S100A8: variants seen among roughly 807,000 people sequenced by gnomAD.
S100A8 encodes the protein S100 calcium binding protein A8.
In S100A8, 1 loss-of-function variant was observed where a neutral mutation model predicts 4.2. That is an observed-to-expected ratio of 0.24 (90% CI 0.08 to 1.12). The LOEUF (loss-of-function observed/expected upper bound fraction) is 1.12, where lower values mean the gene tolerates loss of function less well. Ranked by LOEUF, S100A8 falls within the 50% of genes most tolerant of loss-of-function variation. The probability of loss-of-function intolerance (pLI) is 0.53; values close to 1 mark genes in which losing one functional copy is unlikely to be tolerated. For missense variants in S100A8, 96 were observed against 111.8 expected (o/e 0.86, Z 0.64); for synonymous variants, 41 against 44.7 (o/e 0.92, Z 0.33).
upstream of S100A8, among the ~76,000 whole-genome samples, chr1:153,395,037 G>A: frequency 6.6e-6 from 1 of 152,124 alleles, no homozygotes; most frequent in African/African-American, 2.4e-5. Flanking sequence ...TAGATCCCTA[G>A]AGTCCCAGGG....
chr1:153,394,113 G>A (rs1261072954), upstream of S100A8, among the ~76,000 whole-genome samples: 1 of 152,194 alleles, frequency 6.6e-6, no homozygotes, highest in Non-Finnish European at 1.5e-5. Context: ...TAGCGGACAT[G>A]GGGCAACCTA....
At chr1:153,390,678 C>G (rs910779259) in intron 1 of S100A8, 121 bp from the exon 2 acceptor site, 2 of 1,255,424 alleles carry the variant, frequency 1.6e-6, no homozygotes, top group Middle Eastern at 4.1e-4. Context: ...TCCAAATAAC[C>G]AAACCAGCAG....
the S100A8 span, chr1:153,419,161 A>C: frequency 6.2e-7 from 1 of 1,613,996 alleles, no homozygotes; most frequent in Admixed American, 1.7e-5. Context: ...AAGGGCATAC[A>C]TTACCTCGCC....
chr1:153,405,123 T>TA, the S100A8 span, among the ~76,000 whole-genome samples: 582 of 151,862 alleles, frequency 3.8e-3, 3 homozygotes, highest in African/African-American at 0.013. Flanking sequence ...TTGCCAGTTT[T>TA]ACCTACACGG....
At chr1:153,391,295 A>G (rs1182932201), upstream of S100A8, 74 of 737,300 alleles carry the variant, frequency 1.0e-4, no homozygotes, top group Non-Finnish European at 1.2e-4. Context: ...CCAGAAGGAA[A>G]AAGCAGGTAG....
chr1:153,407,164 G>C, the S100A8 span, among the ~76,000 whole-genome samples: 3 of 152,190 alleles, frequency 2.0e-5, no homozygotes, highest in African/African-American at 7.2e-5. Flanking sequence ...GCTGAAGCAG[G>C]GTGAGCATCA....
At chr1:153,401,683 C>T in the S100A8 span, among the ~76,000 whole-genome samples, 2 of 152,150 alleles carry the variant, frequency 1.3e-5, no homozygotes, top group Non-Finnish European at 2.9e-5. Flanking sequence ...CCCCCATCCC[C>T]GCTTCGGCCG....
At chr1:153,415,128 G>T in the S100A8 span, among the ~76,000 whole-genome samples, 1 of 151,924 alleles carries the variant, frequency 6.6e-6, no homozygotes, top group Non-Finnish European at 1.5e-5. Flanking sequence ...TGGTTGAGTA[G>T]TATTCGTCTG....
the S100A8 span, chr1:153,422,520 T>A: frequency 3.2e-5 from 32 of 985,218 alleles, no homozygotes; most frequent in Middle Eastern, 5.2e-4. Context: ...ACACTCACAT[T>A]ACAGCTGATG....
chr1:153,390,418 T>C lies in S100A8; in HGVS notation c.118A>G (p.Thr40Ala), dbSNP rs139987242. The C allele has an allele frequency of 1.1e-5, 17 of 1,613,920 alleles. No homozygotes were observed. In the African/African-American group the frequency reaches 2.3e-4, roughly 22 times the overall value. Reference protein sequence around the residue: ...YRDDLKKLLETECPQYIRKKG... With the variant: ...YRDDLKKLLEAECPQYIRKKG... ...ACCCTGATATACTGAGGACACTCGG[T>C]CTCTAGCAATTTCTTCAGGTCATCC... Residue 40 changes from threonine to alanine, a missense_variant, in exon 2 of 3, where the codon ACC becomes GCC. By Grantham distance (58) the Thr-to-Ala change is moderately conservative. Transcript: ENST00000368733.
At position 153,390,573 on chromosome 1, in the gene S100A8, T is replaced by G; in HGVS notation, c.-22-16A>C. 6.2e-7 allele frequency: 1 copy of G among 1,612,786 alleles called. No homozygotes were observed. The highest frequency in any genetic ancestry group is 1.7e-5 in the Admixed American group (1 of 59,954). On this transcript the variant is annotated splice_polypyrimidine_tract_variant and intron_variant, in intron 1 of 2. Transcript: ENST00000368733. Reference sequence around the variant, plus strand: ...CTTGCCCCACCTGAAAAACAGAACCTTCTGGGGAATCCCATGGCAGGGAAT... The same window carrying G: ...CTTGCCCCACCTGAAAAACAGAACCGTCTGGGGAATCCCATGGCAGGGAAT...
chr1:153,405,482 C>A, the S100A8 span, among the ~76,000 whole-genome samples: 6 of 151,078 alleles, frequency 4.0e-5, no homozygotes, highest in African/African-American at 1.5e-4. Flanking sequence ...CCTTATCATA[C>A]CCTGCTGGGC....
the S100A8 span, among the ~76,000 whole-genome samples, chr1:153,396,963 G>A: frequency 2.0e-5 from 3 of 152,206 alleles, no homozygotes; most frequent in African/African-American, 7.2e-5. Flanking sequence ...GCCCCTAGTT[G>A]GTGCCCCCAT....
upstream of S100A8, chr1:153,391,192 C>T: frequency 1.0e-6 from 1 of 985,468 alleles, no homozygotes; most frequent in Non-Finnish European, 1.2e-6. Context: ...GTTTCTCAAC[C>T]AGGTGAATGT....
At chr1:153,397,169 C>A in the S100A8 span, among the ~76,000 whole-genome samples, 1 of 152,240 alleles carries the variant, frequency 6.6e-6, no homozygotes, top group Non-Finnish European at 1.5e-5. Context: ...AGGGCTTCCT[C>A]AAGGCAGGGC....
the S100A8 span, chr1:153,417,869 C>T: frequency 1.7e-6 from 1 of 601,260 alleles, no homozygotes; most frequent in Non-Finnish European, 2.8e-6. Context: ...TGGCCCTGGC[C>T]AGGATGGGCC....
chr1:153,407,838 G>T, the S100A8 span, among the ~76,000 whole-genome samples: 6 of 152,226 alleles, frequency 3.9e-5, no homozygotes, highest in South Asian at 8.3e-4. Flanking sequence ...GCCTCCGCTG[G>T]TGACACCCAG....
chr1:153,406,813 G>C, the S100A8 span, among the ~76,000 whole-genome samples: 1 of 152,284 alleles, frequency 6.6e-6, no homozygotes, highest in Non-Finnish European at 1.5e-5. Context: ...GATAGGATGG[G>C]GTGGGTTTAT....
the S100A8 span, among the ~76,000 whole-genome samples, chr1:153,410,302 C>A: frequency 6.6e-6 from 1 of 152,250 alleles, no homozygotes; most frequent in East Asian, 1.9e-4. Context: ...GGGGATATCA[C>A]CACCGATCCC....
Sources: gnomAD v4.1 joint callset for allele counts (sites outside exome capture counted in the v4.1 genomes callset) on GRCh38, gnomAD v4.1.1 for gene constraint, MANE v1.5 for transcripts, NCBI Gene and HGNC (gene_info 2026-07-23, HGNC 2026-07-21) for gene names.